The following FYN variants were observed in gnomAD, a reference collection of about 807,000 sequenced individuals.
FYN encodes the protein tyrosine-protein kinase Fyn.
Under a neutral mutation model 70.2 loss-of-function variants are expected in FYN, and 10 were observed. That is an observed-to-expected ratio of 0.14 (90% CI 0.09 to 0.24). The LOEUF (loss-of-function observed/expected upper bound fraction) is 0.24, where lower values mean the gene tolerates loss of function less well. Among genes scored for constraint, FYN ranks in the 10% least tolerant of loss-of-function variants. The pLI, the probability that FYN is intolerant of heterozygous loss-of-function variation, is 1.00. For synonymous variants in FYN, 236 were observed against 248.6 expected, an observed-to-expected ratio of 0.95 and a Z score of 0.48; for missense variants, 319 against 673.1, an observed-to-expected ratio of 0.47 and a Z score of 5.82.
At chr6:111,771,281 A>G (rs1047372000) in intron 3 of FYN, among the ~76,000 whole-genome samples, 3 of 152,206 alleles carry the variant, frequency 2.0e-5, no homozygotes, top group African/African-American at 7.2e-5. Flanking sequence ...CAAGATGGGA[A>G]CAACAGATGT....
chr6:111,839,870 C>T (rs1442292922), intron 2 of FYN, among the ~76,000 whole-genome samples: 2 of 152,086 alleles, frequency 1.3e-5, no homozygotes, highest in African/African-American at 2.4e-5. Context: ...AGTGCTTGTC[C>T]CATCTCTGCT....
intron 2 of FYN, among the ~76,000 whole-genome samples, chr6:111,826,562 C>T (rs1363718272): frequency 1.3e-5 from 2 of 152,174 alleles, no homozygotes; most frequent in Non-Finnish European, 2.9e-5. Flanking sequence ...TTATAGCCCC[C>T]ACTCCCTTAA....
intron 1 of FYN, among the ~76,000 whole-genome samples, chr6:111,869,127 TG>T (rs1481550201): frequency 1.3e-5 from 2 of 152,240 alleles, no homozygotes; most frequent in African/African-American, 2.4e-5. Context: ...TCCAACAATT[TG>T]GAAGCCTGTG....
intron 3 of FYN, among the ~76,000 whole-genome samples, chr6:111,721,015 C>CT (rs1432106771): frequency 6.6e-6 from 1 of 152,186 alleles, no homozygotes. Context: ...ACACGCCCAA[C>CT]TTCTCAGATC....
intron 12 of FYN, among the ~76,000 whole-genome samples, chr6:111,682,152 C>T (rs980880058): frequency 4.3e-4 from 66 of 152,222 alleles, no homozygotes; most frequent in African/African-American, 1.5e-3. Flanking sequence ...GACACCCTGA[C>T]GGTCAAAGTA....
intron 3 of FYN, among the ~76,000 whole-genome samples, chr6:111,767,677 G>A (rs1468851120): frequency 6.6e-6 from 1 of 152,212 alleles, no homozygotes; most frequent in Non-Finnish European, 1.5e-5. Context: ...TGGGATTACA[G>A]GCATGGGTCA....
At chr6:111,770,017 C>G (rs1006524619) in intron 3 of FYN, among the ~76,000 whole-genome samples, 35 of 152,076 alleles carry the variant, frequency 2.3e-4, no homozygotes, top group Non-Finnish European at 4.4e-5. Context: ...GGCAAAAAAG[C>G]AGATCAAGTT....
chr6:111,713,617 G>A (rs1800489495), intron 5 of FYN, among the ~76,000 whole-genome samples: 1 of 151,876 alleles, frequency 6.6e-6, no homozygotes, highest in South Asian at 2.1e-4. Flanking sequence ...CAATCTAATA[G>A]AGGCAGTATT....
chr6:111,831,662 T>C (rs1773021404), intron 2 of FYN, among the ~76,000 whole-genome samples: 2 of 152,348 alleles, frequency 1.3e-5, no homozygotes, highest in South Asian at 4.1e-4. Context: ...AATGTTGCAC[T>C]TTCTCACAAC....
chr6:111,831,065 T>C (rs898627873), intron 2 of FYN, among the ~76,000 whole-genome samples: 3 of 152,180 alleles, frequency 2.0e-5, no homozygotes, highest in African/African-American at 7.2e-5. Context: ...AATATCATTC[T>C]GTATCAGTGT....
chr6:111,681,842 A>G (rs2128418485), intron 12 of FYN, among the ~76,000 whole-genome samples: 1 of 152,256 alleles, frequency 6.6e-6, no homozygotes, highest in South Asian at 2.1e-4. Flanking sequence ...GAGAAAACGG[A>G]ACACCGAGAG....
At chr6:111,754,904 T>C (rs1310483554) in intron 3 of FYN, among the ~76,000 whole-genome samples, 1 of 151,992 alleles carries the variant, frequency 6.6e-6, no homozygotes, top group African/African-American at 2.4e-5. Flanking sequence ...GGACTCGAAA[T>C]TCTGTTGAGA....
At chr6:111,782,242 A>C (rs1258835244) in intron 2 of FYN, among the ~76,000 whole-genome samples, 1 of 152,100 alleles carries the variant, frequency 6.6e-6, no homozygotes, top group Non-Finnish European at 1.5e-5. Flanking sequence ...CAGCCTTTTA[A>C]GTTGTCAGGG....
At chr6:111,811,053 G>C (rs1447877213) in intron 2 of FYN, among the ~76,000 whole-genome samples, 1 of 152,228 alleles carries the variant, frequency 6.6e-6, no homozygotes, top group Non-Finnish European at 1.5e-5. Context: ...GCTTGGCACA[G>C]GAGCCAACCT....
intron 2 of FYN, among the ~76,000 whole-genome samples, chr6:111,822,214 A>G (rs1324291856): frequency 6.6e-6 from 1 of 152,212 alleles, no homozygotes; most frequent in African/African-American, 2.4e-5. Context: ...ACAATAGTAA[A>G]GAGTTGGAAC....
Position 111,720,113 on chromosome 6 carries a change from T to C in FYN, c.-11-51A>G, listed in dbSNP as rs1800861137. The C allele has an allele frequency of 1.9e-6, 3 of 1,540,176 alleles. No homozygotes were observed. The Admixed American group carries it at 5.7e-5, about 29-fold the overall frequency. On this transcript the variant is annotated intron_variant, in intron 3 of 13. Transcript: ENST00000354650. ...GTAAGCTGGGATGCTCCCTAGTTGC[T>C]GGGTTGCTCTACAGTAAACGAGGAG...
intron 12 of FYN, among the ~76,000 whole-genome samples, chr6:111,687,412 CA>C (rs1799054554): frequency 6.6e-6 from 1 of 152,030 alleles, no homozygotes; most frequent in South Asian, 2.1e-4. Flanking sequence ...TCCAAAGATC[CA>C]AAGATTATGT....
chr6:111,708,703 G>C (rs1800226383), intron 5 of FYN, among the ~76,000 whole-genome samples: 1 of 152,172 alleles, frequency 6.6e-6, no homozygotes, highest in African/African-American at 2.4e-5. Context: ...CATGGGCAAG[G>C]GGTGAGGATG....
intron 2 of FYN, among the ~76,000 whole-genome samples, chr6:111,825,748 G>A (rs1042473378): frequency 2.6e-5 from 4 of 152,084 alleles, no homozygotes; most frequent in Non-Finnish European, 5.9e-5. Flanking sequence ...GAGCAGGTGG[G>A]CCACAGTTAG....
Sources: gnomAD v4.1 joint callset for allele counts (sites outside exome capture counted in the v4.1 genomes callset) on GRCh38, gnomAD v4.1.1 for gene constraint, MANE v1.5 for transcripts, NCBI Gene and HGNC (gene_info 2026-07-23, HGNC 2026-07-21) for gene names.